LY96: variants seen among roughly 807,000 people sequenced by gnomAD.
LY96 encodes lymphocyte antigen 96, also known as myeloid differentiation protein-2.
Under a neutral mutation model 18.9 loss-of-function variants are expected in LY96, and 18 were observed. The observed-to-expected ratio is 0.95, with a 90% CI of 0.66 to 1.41. The LOEUF (loss-of-function observed/expected upper bound fraction) is 1.41, where lower values mean the gene tolerates loss of function less well. Ranked by LOEUF, LY96 falls within the 40% of genes most tolerant of loss-of-function variation. LY96 has a pLI of 0.00. For missense variants in LY96, 175 were observed against 182.4 expected, an observed-to-expected ratio of 0.96 and a Z score of 0.23; for synonymous variants, 66 against 62.6, an observed-to-expected ratio of 1.06 and a Z score of -0.26.
At chr8:74,038,438 A>G in the LY96 span, among the ~76,000 whole-genome samples, 2 of 152,228 alleles carry the variant, frequency 1.3e-5, no homozygotes, top group African/African-American at 4.8e-5. Context: ...AAGTGAATAC[A>G]TGTGAAGTTT....
the LY96 span, among the ~76,000 whole-genome samples, chr8:74,098,728 C>A: frequency 6.6e-6 from 1 of 152,186 alleles, no homozygotes; most frequent in Non-Finnish European, 1.5e-5. Flanking sequence ...AATTCTGTTG[C>A]TCTTGACAGC....
At chr8:74,067,145 T>C in the LY96 span, among the ~76,000 whole-genome samples, 2 of 152,348 alleles carry the variant, frequency 1.3e-5, no homozygotes, top group East Asian at 3.9e-4. Flanking sequence ...AGAGTCTTTG[T>C]AATAAGTCTT....
the LY96 span, among the ~76,000 whole-genome samples, chr8:74,080,988 T>TTCTTTC: frequency 2.2e-5 from 1 of 45,392 alleles, no homozygotes; most frequent in East Asian, 5.4e-4. Context: ...TTCTCTCTCT[T>TTCTTTC]TCTTTCTTTC....
At chr8:74,082,637 C>A in the LY96 span, among the ~76,000 whole-genome samples, 1 of 152,114 alleles carries the variant, frequency 6.6e-6, no homozygotes, top group Non-Finnish European at 1.5e-5. Flanking sequence ...GATTAACAAG[C>A]AAAAGGCATA....
At chr8:74,060,582 A>G in the LY96 span, among the ~76,000 whole-genome samples, 11 of 152,354 alleles carry the variant, frequency 7.2e-5, 1 homozygote, top group African/African-American at 2.6e-4. Flanking sequence ...TTCGATAAAT[A>G]TATGTCGAAA....
chr8:73,992,531 GT>G (rs1816024853), intron 1 of LY96, among the ~76,000 whole-genome samples: 1 of 152,136 alleles, frequency 6.6e-6, no homozygotes, highest in Admixed American at 6.5e-5. Flanking sequence ...GTTTGTTTGT[GT>G]TTTAGTCTGG....
At chr8:74,047,090 C>T in the LY96 span, among the ~76,000 whole-genome samples, 4 of 152,018 alleles carry the variant, frequency 2.6e-5, 1 homozygote, top group East Asian at 3.9e-4. Context: ...TTAGTTGAGA[C>T]GGGGTTTCAC....
At chr8:74,046,903 C>CTCT in the LY96 span, among the ~76,000 whole-genome samples, 1 of 135,172 alleles carries the variant, frequency 7.4e-6, no homozygotes, top group Admixed American at 7.5e-5. Context: ...CATTCTCATT[C>CTCT]TTTTTTTTTT....
chr8:74,014,484 G>GTT lies in LY96; in HGVS notation c.331+4373_331+4374dup, dbSNP rs59403354. 6.1e-3 allele frequency among the ~76,000 whole-genome samples: 803 copies of GTT among 131,362 alleles called. 12 individuals carry two copies. The highest frequency in any genetic ancestry group is 0.02 in the African/African-American group (707 of 35,466). 86.2% of individuals were successfully genotyped at this position (131,362 alleles called of 152,430 possible). On this transcript the variant is annotated intron_variant, in intron 3 of 4. Coordinates refer to ENST00000284818, the MANE Select transcript of LY96 (RefSeq NM_015364.5). ...ATGATGTGTACAAAAGAACAGGCAG[G>GTT]TTTTTTTTTTTTTTTTTTTAAAGGG... is the stretch of plus-strand genomic sequence containing the variant.
chr8:74,068,077 A>ATATATATATATAT, the LY96 span, among the ~76,000 whole-genome samples: 2 of 98,460 alleles, frequency 2.0e-5, no homozygotes, highest in African/African-American at 1.2e-4. Flanking sequence ...AAAAAAAAAA[A>ATATATATATATAT]AAAAAAAAAA....
chr8:73,997,722 G>C (rs1816180259), intron 1 of LY96, among the ~76,000 whole-genome samples: 3 of 152,000 alleles, frequency 2.0e-5, no homozygotes, highest in Admixed American at 2.0e-4. Context: ...CCCTTTCTTG[G>C]GTTTGATCAT....
At chr8:74,029,726 C>G (rs1563722486), downstream of LY96, among the ~76,000 whole-genome samples, 1 of 152,172 alleles carries the variant, frequency 6.6e-6, no homozygotes, top group Non-Finnish European at 1.5e-5. Flanking sequence ...GTGGCACCAT[C>G]TCGGCTCACT....
downstream of LY96, among the ~76,000 whole-genome samples, chr8:74,033,310 G>T (rs1481944316): frequency 6.6e-6 from 1 of 152,106 alleles, no homozygotes; most frequent in Non-Finnish European, 1.5e-5. Context: ...TTAAAACAAA[G>T]GCCTTTAAAA....
intron 1 of LY96, among the ~76,000 whole-genome samples, chr8:73,992,020 A>C (rs1242581944): frequency 3.9e-5 from 6 of 152,156 alleles, no homozygotes; most frequent in African/African-American, 1.4e-4. Flanking sequence ...TGGTTCTGTC[A>C]CTAGCTGTGT....
the LY96 span, among the ~76,000 whole-genome samples, chr8:74,092,367 G>C: frequency 6.6e-6 from 1 of 152,128 alleles, no homozygotes; most frequent in East Asian, 1.9e-4. Flanking sequence ...AGGGAGAAAG[G>C]GTTTGGGAAT....
intron 3 of LY96, among the ~76,000 whole-genome samples, chr8:74,014,872 A>G: frequency 6.6e-6 from 1 of 151,920 alleles, no homozygotes; most frequent in Non-Finnish European, 1.5e-5. Flanking sequence ...TCAAAAACAC[A>G]TTTATGAATC....
At chr8:74,093,784 C>G in the LY96 span, among the ~76,000 whole-genome samples, 2 of 152,074 alleles carry the variant, frequency 1.3e-5, no homozygotes, top group Non-Finnish European at 2.9e-5. Flanking sequence ...TCAAATTTCA[C>G]CCTCTGCAGG....
intron 3 of LY96, among the ~76,000 whole-genome samples, chr8:74,011,808 G>A (rs1004879813): frequency 6.1e-5 from 9 of 146,764 alleles, no homozygotes; most frequent in East Asian, 4.0e-4. Flanking sequence ...GCAGTGAGGC[G>A]AGACCATGCC....
At chr8:74,049,022 A>C in the LY96 span, among the ~76,000 whole-genome samples, 1 of 152,152 alleles carries the variant, frequency 6.6e-6, no homozygotes, top group African/African-American at 2.4e-5. Context: ...GTTATTGTAG[A>C]TAGAGTGAGT....
Sources: allele counts gnomAD v4.1 joint callset (sites outside exome capture counted in the v4.1 genomes callset), GRCh38; gene constraint gnomAD v4.1.1; transcripts MANE v1.5; gene names NCBI Gene and HGNC (gene_info 2026-07-23, HGNC 2026-07-21).